Variants in SLC35A3 observed in about 807,000 individuals in gnomAD.
The protein encoded by SLC35A3 is solute carrier family 35 member A3.
In SLC35A3, 26 loss-of-function variants were observed where a neutral mutation model predicts 39.0. That is an observed-to-expected ratio of 0.67 (90% CI 0.49 to 0.92). SLC35A3 has a LOEUF of 0.92. Among genes scored for constraint, SLC35A3 ranks in the 40% least tolerant of loss-of-function variants. The pLI, the probability that SLC35A3 is intolerant of heterozygous loss-of-function variation, is 0.00. For synonymous variants in SLC35A3, 135 were observed against 133.1 expected (o/e 1.01, Z -0.10); for missense variants, 299 against 371.6 (o/e 0.80, Z 1.61).
At chr1:100,007,826 T>G (rs1557839321) in intron 4 of SLC35A3, 1 of 152,054 alleles carries the variant, frequency 6.6e-6, no homozygotes, top group Non-Finnish European at 1.5e-5. Context: ...TTATGATTAT[T>G]ATTATTTTTA....
chr1:100,005,727 A>G (rs1287368402), intron 3 of SLC35A3, among the ~76,000 whole-genome samples: 1 of 152,088 alleles, frequency 6.6e-6, no homozygotes, highest in Non-Finnish European at 1.5e-5. Flanking sequence ...TGAAAACCTC[A>G]TTTAGATGAT....
intron 1 of SLC35A3, chr1:99,970,603 A>C: frequency 1.3e-6 from 2 of 1,536,116 alleles, no homozygotes; most frequent in Non-Finnish European, 1.7e-6. Context: ...CCTGGAGCTC[A>C]AGAAGCCGCA....
rs1656706062 is a variant in SLC35A3, at chr1:99,970,035, C to G, written c.-146C>G. 1 of 152,950 alleles carries G rather than the reference C, an allele frequency of 6.5e-6. No individual in the cohort carries two copies. The highest frequency in any genetic ancestry group is 1.5e-5 in the Non-Finnish European group (1 of 68,580). The allele number at this position is 152,950 out of a possible 1,614,324, so 9.5% of individuals were successfully genotyped here. A position where few individuals can be genotyped will look rare whatever the true frequency, so the allele number is the denominator to read the frequency against. ...TGCACCGAGCTGGCGGTGGCTACGG[C>G]GACGGGAGCCGGCGGCGCTGCGGGT... On this transcript the variant is annotated 5_prime_UTR_variant, in exon 1 of 8. Coordinates refer to ENST00000533028, the MANE Select transcript of SLC35A3 (RefSeq NM_012243.3).
chr1:99,974,200 G>A (rs565677342), intron 1 of SLC35A3, among the ~76,000 whole-genome samples: 2 of 152,040 alleles, frequency 1.3e-5, no homozygotes, highest in South Asian at 4.2e-4. Flanking sequence ...ATTTCAAACA[G>A]CATTTCTAAT....
Position 99,999,368 on chromosome 1 carries a change from A to G in SLC35A3, c.295A>G (p.Asn99Asp), listed in dbSNP as rs764021539. The G allele has an allele frequency of 6.3e-7, 1 of 1,596,740 alleles. No homozygotes were observed. The highest frequency in any genetic ancestry group is 1.1e-5 in the South Asian group (1 of 87,750). Residue 99 changes from asparagine (N) to aspartate (D), a missense_variant, in exon 3 of 8, where the codon AAT becomes GAT. By Grantham distance (23) the Asn-to-Asp change is conservative. Transcript: ENST00000533028. ...IPSGIYTLQN[N>D]LLYVALSNLD... is the part of the protein sequence containing the mutation. ...ATCAGGGATCTATACTCTTCAGAAT[A>G]ATTTACTGTATGTGGCACTATCAAA...
chr1:100,020,461 C>A (rs542759522), intron 7 of SLC35A3, among the ~76,000 whole-genome samples: 39 of 152,212 alleles, frequency 2.6e-4, no homozygotes, highest in African/African-American at 9.2e-4. Flanking sequence ...TTAATAATTA[C>A]CAATATTAAT....
chr1:100,011,683 ATTATTTAT>A lies in SLC35A3; in HGVS notation c.634+197_634+204del, dbSNP rs143297934. ...ATGCTCTTGTCTTTTAAAACATTTT[ATTATTTAT>A]TTATTTATTTATTTATTTATTTATT... On this transcript the variant is annotated intron_variant, in intron 5 of 7. Coordinates refer to ENST00000533028, the MANE Select transcript of SLC35A3 (RefSeq NM_012243.3). 0.038 allele frequency: 6,488 copies of A among 170,010 alleles called. 216 individuals are homozygous for A. The highest frequency in any genetic ancestry group is 0.087 in the African/African-American group (3,381 of 38,782). The allele number at this position is 170,010 out of a possible 1,614,324, so 10.5% of individuals were successfully genotyped here.
rs1390437771 is a variant in SLC35A3 at position 100,024,776 on chromosome 1, C to T, written c.*2300C>T. The T allele has an allele frequency of 1.0e-5, 4 of 396,182 alleles. No individual in the cohort carries two copies. The highest frequency in any genetic ancestry group is 2.8e-4 in the South Asian group (2 of 7,214). 24.5% of individuals were successfully genotyped at this position (396,182 alleles called of 1,614,324 possible). A position where few individuals can be genotyped will look rare whatever the true frequency, so the allele number is the denominator to read the frequency against. ...GGGATTGCAGGCGTGAGCCACTGCG[C>T]CCGGCCTATACTGTATATATTTTTA... On this transcript the variant is annotated 3_prime_UTR_variant, in exon 8 of 8. Transcript: ENST00000533028.
chr1:99,982,498 A>G (rs936124156), intron 1 of SLC35A3, among the ~76,000 whole-genome samples: 2 of 152,188 alleles, frequency 1.3e-5, no homozygotes, highest in Admixed American at 6.5e-5. Context: ...TTAAATATTT[A>G]GACCTGTAAA....
intron 2 of SLC35A3, among the ~76,000 whole-genome samples, chr1:99,995,669 A>G (rs1403181022): frequency 2.6e-5 from 4 of 152,212 alleles, no homozygotes; most frequent in Non-Finnish European, 4.4e-5. Context: ...TCAGACAGCT[A>G]TAAGGCATTC....
intron 1 of SLC35A3, among the ~76,000 whole-genome samples, chr1:99,976,356 A>G (rs771923849): frequency 6.6e-5 from 10 of 152,246 alleles, no homozygotes; most frequent in Non-Finnish European, 1.0e-4. Context: ...AAACAAAACT[A>G]TACAGCATTT....
At chr1:100,021,255 T>G (rs777559318) in intron 7 of SLC35A3, among the ~76,000 whole-genome samples, 1 of 151,812 alleles carries the variant, frequency 6.6e-6, no homozygotes, top group Non-Finnish European at 1.5e-5. Context: ...TCCCAGCTAG[T>G]CGGGAGGCTG....
rs1011597419 is a variant in SLC35A3, at chr1:100,032,098, C to A, written c.*9622C>A. ...TATCATATTAAAAGGCACAGATAAT[C>A]TCATTATTAATGTTGGTAATTATTT... On this transcript the variant is annotated 3_prime_UTR_variant, in exon 8 of 8. Transcript: ENST00000533028. 5.5e-5 allele frequency: 8 copies of A among 146,308 alleles called. No individual in the cohort carries two copies. Among genetic ancestry groups the A allele is most frequent in the African/African-American group, 2.2e-4 (8 of 36,850 alleles). 9.1% of individuals were successfully genotyped at this position (146,308 alleles called of 1,614,324 possible). A position where few individuals can be genotyped will look rare whatever the true frequency, so the allele number is the denominator to read the frequency against.
At position 100,029,345 on chromosome 1, in the gene SLC35A3, G is replaced by T. The variant is rs1400376990; in HGVS notation, c.*6869G>T. ...TGGGCCAAATTTCTTACTACACAAA[G>T]ACCATTCATCTCTATACACTTCCTT... On this transcript the variant is annotated 3_prime_UTR_variant, in exon 8 of 8. Transcript: ENST00000533028. 6.6e-6 allele frequency: 1 copy of T among 151,734 alleles called. No individual in the cohort carries two copies. The highest frequency in any genetic ancestry group is 6.6e-5 in the Admixed American group (1 of 15,210). 9.4% of individuals were successfully genotyped at this position (151,734 alleles called of 1,614,324 possible).
At chr1:100,005,025 G>A (rs1023708274) in intron 3 of SLC35A3, among the ~76,000 whole-genome samples, 3 of 152,164 alleles carry the variant, frequency 2.0e-5, no homozygotes, top group Non-Finnish European at 4.4e-5. Flanking sequence ...CCAAAATGCT[G>A]GGATTACAGG....
chr1:100,003,690 A>T (rs1658993425), intron 3 of SLC35A3, among the ~76,000 whole-genome samples: 1 of 152,162 alleles, frequency 6.6e-6, no homozygotes, highest in African/African-American at 2.4e-5. Flanking sequence ...TTATTTCTAG[A>T]TGATATATGT....
At chr1:99,991,324 T>G (rs1210035872) in intron 1 of SLC35A3, among the ~76,000 whole-genome samples, 2 of 152,178 alleles carry the variant, frequency 1.3e-5, no homozygotes, top group Admixed American at 6.5e-5. Flanking sequence ...TTTTGTATTT[T>G]TAGTAGAGAC....
intron 7 of SLC35A3, among the ~76,000 whole-genome samples, chr1:100,020,954 G>A (rs1293379617): frequency 6.6e-6 from 1 of 151,808 alleles, no homozygotes; most frequent in African/African-American, 2.4e-5. Flanking sequence ...ATTATGAAGG[G>A]CCTTTTAATA....
At chr1:99,972,524 C>T (rs996772525) in intron 1 of SLC35A3, among the ~76,000 whole-genome samples, 6 of 149,844 alleles carry the variant, frequency 4.0e-5, no homozygotes, top group South Asian at 2.1e-4. Flanking sequence ...TTAGTAGAGA[C>T]GGGGGTTTCA....
Sources: gnomAD v4.1 joint callset for allele counts (sites outside exome capture counted in the v4.1 genomes callset) on GRCh38, gnomAD v4.1.1 for gene constraint, MANE v1.5 for transcripts, NCBI Gene and HGNC (gene_info 2026-07-23, HGNC 2026-07-21) for gene names.